The following PCNX2 variants were observed in gnomAD, a reference collection of about 807,000 sequenced individuals.
PCNX2 encodes the protein pecanex 2.
PCNX2 carries 168 observed loss-of-function variants against 223.8 expected under a neutral mutation model. That is an observed-to-expected ratio of 0.75 (90% confidence interval 0.66 to 0.85). The LOEUF is 0.85. Among genes scored for constraint, PCNX2 ranks in the 40% least tolerant of loss-of-function variants. The probability of loss-of-function intolerance (pLI) is 0.00; values close to 1 mark genes in which losing one functional copy is unlikely to be tolerated. For missense variants in PCNX2, 2,507 were observed against 2,675.5 expected, an observed-to-expected ratio of 0.94 and a Z score of 1.39; for synonymous variants, 1,006 against 1,052.6, an observed-to-expected ratio of 0.96 and a Z score of 0.86.
At chr1:233,163,003 C>T (rs1678583626) in intron 17 of PCNX2, among the ~76,000 whole-genome samples, 1 of 151,962 alleles carries the variant, frequency 6.6e-6, no homozygotes, top group Non-Finnish European at 1.5e-5. Context: ...CTTTTTTTCA[C>T]AGTTGGATGA....
chr1:233,305,198 A>G, the PCNX2 span, among the ~76,000 whole-genome samples: 7 of 152,166 alleles, frequency 4.6e-5, no homozygotes, highest in African/African-American at 1.4e-4. Flanking sequence ...TAGCTCCTTT[A>G]TTCTCATATT....
chr1:233,084,030 T>C (rs760611107), intron 23 of PCNX2, among the ~76,000 whole-genome samples: 3 of 152,212 alleles, frequency 2.0e-5, no homozygotes, highest in Non-Finnish European at 2.9e-5. Flanking sequence ...TAAGGTATGT[T>C]GTACATAGAA....
chr1:233,065,497 A>G (rs1672563145), intron 23 of PCNX2: 1 of 152,144 alleles, frequency 6.6e-6, no homozygotes, highest in African/African-American at 2.4e-5. Flanking sequence ...ATTTTTCCTT[A>G]TTCCTCTACT....
At chr1:233,027,652 C>T (rs1282657761) in intron 25 of PCNX2, among the ~76,000 whole-genome samples, 1 of 152,228 alleles carries the variant, frequency 6.6e-6, no homozygotes, top group Non-Finnish European at 1.5e-5. Context: ...GGGTCACTAA[C>T]GTTTTTCTGT....
At position 233,156,688 on chromosome 1, in the gene PCNX2, C is replaced by T. The variant is rs774173238; in HGVS notation, c.3517+3595G>A. On this transcript the variant is annotated intron_variant, in intron 19 of 33. Transcript: ENST00000258229. ...ATCCCAGCACTTTGGGAGACCAAGG[C>T]GGGCAGATCACTTGAGGTCAAGAGT... Among the ~76,000 whole-genome samples the T allele has an allele frequency of 4.6e-5, 7 of 152,144 alleles. No individual in the cohort carries two copies. The East Asian group carries it at 7.7e-4, about 17-fold the overall frequency.
At chr1:233,152,918 G>A (rs1677903856) in intron 19 of PCNX2, among the ~76,000 whole-genome samples, 1 of 150,174 alleles carries the variant, frequency 6.7e-6, no homozygotes, top group South Asian at 2.1e-4. Flanking sequence ...CCCAATTATA[G>A]AAGACAAAAC....
chr1:233,307,857 C>T, the PCNX2 span, among the ~76,000 whole-genome samples: 1 of 152,184 alleles, frequency 6.6e-6, no homozygotes, highest in Non-Finnish European at 1.5e-5. Flanking sequence ...GCCCACGCTC[C>T]AGAGCTGCAT....
At chr1:233,050,455 A>T (rs1671964106) in intron 25 of PCNX2, among the ~76,000 whole-genome samples, 1 of 152,204 alleles carries the variant, frequency 6.6e-6, no homozygotes, top group South Asian at 2.1e-4. Context: ...AGTAACCAAA[A>T]CAGCATGGTA....
chr1:233,316,114 A>C, the PCNX2 span, among the ~76,000 whole-genome samples: 1 of 152,198 alleles, frequency 6.6e-6, no homozygotes, highest in Non-Finnish European at 1.5e-5. Flanking sequence ...GAAGTAGCTC[A>C]TTGTCCATTT....
chr1:233,146,021 T>C (rs753500704), intron 19 of PCNX2, among the ~76,000 whole-genome samples: 4 of 152,132 alleles, frequency 2.6e-5, no homozygotes, highest in Non-Finnish European at 5.9e-5. Flanking sequence ...AAAGAAATGC[T>C]CATACGCCAC....
At chr1:232,997,290 T>C (rs112688044) in intron 32 of PCNX2, among the ~76,000 whole-genome samples, 1,660 of 152,294 alleles carry the variant, frequency 0.011, 31 homozygotes, top group African/African-American at 0.035. Flanking sequence ...TATACATATA[T>C]CCTCTCTTTC....
intron 15 of PCNX2, among the ~76,000 whole-genome samples, chr1:233,183,146 A>G (rs181432553): frequency 6.6e-6 from 1 of 152,302 alleles, no homozygotes; most frequent in African/African-American, 2.4e-5. Context: ...TCCATGTTAG[A>G]AAAGACATTC....
At chr1:233,089,903 G>C in intron 23 of PCNX2, 158 bp downstream of exon 23, 1 of 1,427,454 alleles carries the variant, frequency 7.0e-7, no homozygotes, top group Non-Finnish European at 9.1e-7. Flanking sequence ...CAAGAGCTGA[G>C]TCAATGAACT....
intron 23 of PCNX2, among the ~76,000 whole-genome samples, chr1:233,064,476 G>A (rs1672517945): frequency 6.6e-6 from 1 of 152,148 alleles, no homozygotes; most frequent in South Asian, 2.1e-4. Flanking sequence ...CACTGATGGG[G>A]AAGACCTTCA....
intron 4 of PCNX2, among the ~76,000 whole-genome samples, chr1:233,259,595 G>C (rs968145232): frequency 6.6e-6 from 1 of 152,122 alleles, no homozygotes; most frequent in Admixed American, 6.6e-5. Flanking sequence ...GCATGCATTA[G>C]GTATTTGTCC....
chr1:233,324,471 GCTCATTTA>G, the PCNX2 span, among the ~76,000 whole-genome samples: 1 of 152,006 alleles, frequency 6.6e-6, no homozygotes, highest in African/African-American at 2.4e-5. Context: ...TTAAACCAAT[GCTCATTTA>G]CTATTCTGAA....
rs1159908397 is a variant in PCNX2, at chr1:233,111,944, G to T, written c.3838-16081C>A. On this transcript the variant is annotated intron_variant, in intron 21 of 33. Coordinates refer to ENST00000258229, the MANE Select transcript of PCNX2 (RefSeq NM_014801.4). ...AGCTTGGGTTCAATGGAATTTTTCC[G>T]ATTACTTCATGATTCTCATTTACAT... Among the ~76,000 whole-genome samples the T allele has an allele frequency of 2.0e-5, 3 of 152,132 alleles. No individual in the cohort carries two copies. The East Asian group carries it at 5.8e-4, about 29-fold the overall frequency.
At chr1:233,158,663 TGGTACA>T (rs1407774154) in intron 19 of PCNX2, among the ~76,000 whole-genome samples, 7 of 152,168 alleles carry the variant, frequency 4.6e-5, no homozygotes, top group African/African-American at 7.2e-5. Flanking sequence ...GTAAAGGTAT[TGGTACA>T]GGTACAGGTA....
intron 8 of PCNX2, among the ~76,000 whole-genome samples, chr1:233,238,693 C>CAA (rs397725959): frequency 0.59 from 76,643 of 130,230 alleles, 21,996 homozygotes; most frequent in East Asian, 0.68. Context: ...GATCCTGTCT[C>CAA]AAAAAAAAAA....
Sources: gnomAD v4.1 joint callset for allele counts (sites outside exome capture counted in the v4.1 genomes callset) on GRCh38, gnomAD v4.1.1 for gene constraint, MANE v1.5 for transcripts, NCBI Gene and HGNC (gene_info 2026-07-23, HGNC 2026-07-21) for gene names.